The following PTPRT variants were observed in gnomAD, a reference collection of about 807,000 sequenced individuals.
PTPRT encodes the protein receptor-type tyrosine-protein phosphatase T.
A neutral mutation model predicts 176.8 loss-of-function variants in PTPRT; 56 were observed. The ratio of observed to expected loss-of-function variants is 0.32; its 90% CI spans 0.26 to 0.40. PTPRT has a LOEUF of 0.40. Ranked by LOEUF, PTPRT falls within the 10% of genes least tolerant of loss-of-function variation. PTPRT has a pLI of 1.00. For synonymous variants in PTPRT, 783 were observed against 739.0 expected (o/e 1.06, Z -0.96); for missense variants, 1,540 against 1,908.2 (o/e 0.81, Z 3.60).
chr20:42,500,790 A>C (rs2071738479), intron 7 of PTPRT, among the ~76,000 whole-genome samples: 1 of 152,160 alleles, frequency 6.6e-6, no homozygotes, highest in Non-Finnish European at 1.5e-5. Flanking sequence ...TTTTTAGTTT[A>C]ATGATTTTAT....
At chr20:42,499,515 C>A (rs1156479660) in intron 7 of PTPRT, among the ~76,000 whole-genome samples, 1 of 152,088 alleles carries the variant, frequency 6.6e-6, no homozygotes, top group Admixed American at 6.6e-5. Flanking sequence ...TGGTCTTGAT[C>A]TCCTGACCTT....
chr20:42,047,925 T>G, the PTPRT span, among the ~76,000 whole-genome samples: 2 of 152,218 alleles, frequency 1.3e-5, no homozygotes, highest in African/African-American at 4.8e-5. Flanking sequence ...TCTGGTAGCC[T>G]AGGCTCTGCT....
chr20:42,971,965 T>A (rs990934030), intron 1 of PTPRT, among the ~76,000 whole-genome samples: 1 of 151,846 alleles, frequency 6.6e-6, no homozygotes, highest in African/African-American at 2.4e-5. Context: ...AGGCACACAA[T>A]GGATGACAAT....
chr20:42,628,385 C>A (rs943421801), intron 7 of PTPRT, among the ~76,000 whole-genome samples: 4 of 152,080 alleles, frequency 2.6e-5, no homozygotes, highest in African/African-American at 4.8e-5. Flanking sequence ...ACATGAGTCA[C>A]CTGCTCAATT....
intron 1 of PTPRT, among the ~76,000 whole-genome samples, chr20:43,117,067 T>A (rs575241949): frequency 6.6e-6 from 1 of 152,190 alleles, no homozygotes; most frequent in South Asian, 2.1e-4. Context: ...CCAGCCAATG[T>A]GTGTTTCTCA....
chr20:42,100,629 G>A (rs1985840604), intron 26 of PTPRT, among the ~76,000 whole-genome samples: 1 of 152,132 alleles, frequency 6.6e-6, no homozygotes, highest in East Asian at 1.9e-4. Flanking sequence ...AGGCAGGGAG[G>A]GGGTGTTGGG....
intron 9 of PTPRT, among the ~76,000 whole-genome samples, chr20:42,444,076 G>T (rs983905995): frequency 6.6e-6 from 1 of 152,118 alleles, no homozygotes; most frequent in African/African-American, 2.4e-5. Context: ...AGTTCTAGGA[G>T]TCCTGCCATC....
chr20:42,626,172 C>G (rs1361541256), intron 7 of PTPRT, among the ~76,000 whole-genome samples: 1 of 151,966 alleles, frequency 6.6e-6, no homozygotes, highest in Non-Finnish European at 1.5e-5. Flanking sequence ...TATTTTGAGG[C>G]TCATCTAGTT....
intron 11 of PTPRT, among the ~76,000 whole-genome samples, chr20:42,348,397 T>TATTTATTG (rs1377157099): frequency 0.013 from 2,045 of 151,878 alleles, 21 homozygotes; most frequent in Non-Finnish European, 0.021. Flanking sequence ...TTTATTTATT[T>TATTTATTG]ATTTATTTTT....
At chr20:42,294,820 G>T (rs2057365710) in intron 12 of PTPRT, among the ~76,000 whole-genome samples, 1 of 151,946 alleles carries the variant, frequency 6.6e-6, no homozygotes, top group Non-Finnish European at 1.5e-5. Flanking sequence ...ATTTAACTCA[G>T]GAGAGAAATT....
chr20:42,184,595 C>CTTCTTCTTCTTCTTCCTCT (rs1990684333), intron 16 of PTPRT, among the ~76,000 whole-genome samples: 8 of 29,418 alleles, frequency 2.7e-4, no homozygotes, highest in Non-Finnish European at 4.4e-4. Context: ...CTTCTTCTTC[C>CTTCTTCTTCTTCTTCCTCT]TCTTCTTCTT....
intron 12 of PTPRT, among the ~76,000 whole-genome samples, chr20:42,314,468 G>A (rs1458274638): frequency 6.7e-6 from 1 of 149,748 alleles, no homozygotes; most frequent in Non-Finnish European, 1.5e-5. Flanking sequence ...GGTGGAGCTT[G>A]CAGTGAGCCA....
At chr20:42,065,370 A>G in the PTPRT span, among the ~76,000 whole-genome samples, 3 of 152,234 alleles carry the variant, frequency 2.0e-5, no homozygotes, top group South Asian at 2.1e-4. Flanking sequence ...CTTTACTAGA[A>G]ATACACTTAG....
chr20:43,122,515 T>A (rs561139780), intron 1 of PTPRT, among the ~76,000 whole-genome samples: 2 of 152,138 alleles, frequency 1.3e-5, no homozygotes, highest in Non-Finnish European at 2.9e-5. Context: ...TGGAGGTGGG[T>A]CCCAGTGGGA....
rs754362528 is a variant in PTPRT, at chr20:42,760,380, C to CTT, written c.685-3746_685-3745dup. Among the ~76,000 whole-genome samples the CTT allele has an allele frequency of 1.1e-3, 105 of 94,222 alleles. 3 individuals are homozygous for CTT. The highest frequency in any genetic ancestry group is 1.2e-3 in the East Asian group (4 of 3,296). 61.8% of individuals were successfully genotyped at this position (94,222 alleles called of 152,430 possible). A position where few individuals can be genotyped will look rare whatever the true frequency, so the allele number is the denominator to read the frequency against. Reference sequence around the variant, plus strand: ...TTCTGGCAGTCTGTTTCTAAATCTGCTTTTTTTTTTTTTTTTTTTTTTTTT... The same window carrying CTT: ...TTCTGGCAGTCTGTTTCTAAATCTGCTTTTTTTTTTTTTTTTTTTTTTTTTTT... On this transcript the variant is annotated intron_variant, in intron 5 of 30. Transcript: ENST00000373187.
intron 2 of PTPRT, among the ~76,000 whole-genome samples, chr20:42,878,318 G>T (rs1322050716): frequency 6.6e-6 from 1 of 152,172 alleles, no homozygotes; most frequent in African/African-American, 2.4e-5. Flanking sequence ...AAAGAAAAAA[G>T]TATTAAATAG....
intron 24 of PTPRT, among the ~76,000 whole-genome samples, chr20:42,106,337 C>T (rs1240351370): frequency 6.6e-6 from 1 of 152,214 alleles, no homozygotes; most frequent in Non-Finnish European, 1.5e-5. Flanking sequence ...TCTTGAAATG[C>T]CCAGCACCCA....
intron 1 of PTPRT, among the ~76,000 whole-genome samples, chr20:42,899,035 C>T (rs1013283970): frequency 5.3e-5 from 8 of 152,076 alleles, no homozygotes; most frequent in Non-Finnish European, 1.2e-4. Context: ...AATGCTCTAT[C>T]AAATTTAAAG....
At chr20:42,745,340 C>T (rs1399112337) in intron 6 of PTPRT, among the ~76,000 whole-genome samples, 2 of 152,186 alleles carry the variant, frequency 1.3e-5, no homozygotes, top group Non-Finnish European at 2.9e-5. Context: ...AGTACAAAAG[C>T]CTTCCCATGG....
Sources: allele counts gnomAD v4.1 joint callset (sites outside exome capture counted in the v4.1 genomes callset), GRCh38; gene constraint gnomAD v4.1.1; transcripts MANE v1.5; gene names NCBI Gene and HGNC (gene_info 2026-07-23, HGNC 2026-07-21).